The following NT5C2 variants were observed in gnomAD, a reference collection of about 807,000 sequenced individuals.
NT5C2 encodes the protein 5'-nucleotidase, cytosolic II, also known as cytosolic purine 5'-nucleotidase.
Under a neutral mutation model 76.1 loss-of-function variants are expected in NT5C2, and 58 were observed. The ratio of observed to expected loss-of-function variants is 0.76; its 90% CI spans 0.62 to 0.95. The LOEUF (loss-of-function observed/expected upper bound fraction) is 0.95. NT5C2 is among the 40% of genes least tolerant of loss of function. NT5C2 has a pLI of 0.00. For synonymous variants in NT5C2, 229 were observed against 237.4 expected (o/e 0.96, Z 0.32); for missense variants, 478 against 690.3 (o/e 0.69, Z 3.45).
chr10:103,160,113 G>C (rs956243561), intron 3 of NT5C2, among the ~76,000 whole-genome samples: 1 of 152,150 alleles, frequency 6.6e-6, no homozygotes, highest in African/African-American at 2.4e-5. Flanking sequence ...AATGATACTT[G>C]ACATGGGTGC....
chr10:103,106,628 T>C lies in NT5C2; in HGVS notation c.254A>G (p.Glu85Gly). The C allele has an allele frequency of 6.2e-7, 1 of 1,613,676 alleles. No individual in the cohort carries two copies. Among genetic ancestry groups the C allele is most frequent in the Non-Finnish European group, 8.5e-7 (1 of 1,179,628 alleles). ...ERLVSIGYPQ[E>G]LLSFAYDSTF... ...AGAATCATAAGCAAAGCTGAGCAAC[T>C]CCTGGGGATAGCCAATAGAAACTAA... The change falls in exon 5 of 19, where the codon GAG becomes GGG. Residue 85 changes from glutamate (E) to glycine (G), a missense_variant. Physicochemically the swap from Glu to Gly is moderately conservative, Grantham distance 98. Transcript: ENST00000404739.
At chr10:103,121,574 T>C (rs1213196734) in intron 4 of NT5C2, among the ~76,000 whole-genome samples, 1 of 152,204 alleles carries the variant, frequency 6.6e-6, no homozygotes, top group Non-Finnish European at 1.5e-5. Context: ...TCTACTATGT[T>C]CGAGAGGACA....
At chr10:103,176,995 CTTT>C (rs964449640) in intron 2 of NT5C2, among the ~76,000 whole-genome samples, 1 of 145,954 alleles carries the variant, frequency 6.9e-6, no homozygotes, top group African/African-American at 2.5e-5. Flanking sequence ...CAGATTTGTA[CTTT>C]TTTTTTTTAA....
chr10:103,096,170 G>GA (rs1192892165), intron 11 of NT5C2, among the ~76,000 whole-genome samples, 190 bp from the exon 12 acceptor site: 2 of 151,860 alleles, frequency 1.3e-5, no homozygotes, highest in African/African-American at 4.8e-5. Flanking sequence ...ATACCAAAAA[G>GA]AAAAAAAGGC....
chr10:103,188,141 G>A (rs963236856), intron 1 of NT5C2, among the ~76,000 whole-genome samples: 12 of 152,200 alleles, frequency 7.9e-5, no homozygotes, highest in African/African-American at 2.9e-4. Context: ...TGGATCACGA[G>A]GTCAGGAGTT....
chr10:103,095,819 G>A, intron 12 of NT5C2, 120 bp downstream of exon 12: 2 of 804,028 alleles, frequency 2.5e-6, no homozygotes, highest in Non-Finnish European at 4.2e-6. Context: ...TAGACAATAG[G>A]CTTAAAAAGT....
intron 4 of NT5C2, among the ~76,000 whole-genome samples, chr10:103,114,931 G>A (rs532073034): frequency 6.6e-6 from 1 of 152,286 alleles, no homozygotes; most frequent in East Asian, 1.9e-4. Flanking sequence ...TTATTCATAA[G>A]GTTTAACCTA....
At chr10:103,127,071 G>A (rs1396471183) in intron 4 of NT5C2, among the ~76,000 whole-genome samples, 1 of 152,126 alleles carries the variant, frequency 6.6e-6, no homozygotes, top group Non-Finnish European at 1.5e-5. Flanking sequence ...CAGCCAGTGG[G>A]GAGAGTTGAG....
intron 1 of NT5C2, among the ~76,000 whole-genome samples, chr10:103,182,157 T>G (rs756039044): frequency 2.6e-5 from 4 of 152,204 alleles, no homozygotes; most frequent in African/African-American, 9.6e-5. Context: ...AGGTCAGTAA[T>G]TCATTTGGAA....
Position 103,090,771 on chromosome 10 carries a change from A to G in NT5C2, c.1289T>C (p.Met430Thr), listed in dbSNP as rs1433755096. Residue 430 changes from methionine to threonine, a missense_variant, in exon 18 of 19, where the codon ATG (methionine) becomes ACG (threonine). By Grantham distance (81) the Met-to-Thr change is moderately conservative. Transcript: ENST00000404739. ...TCCCATCATCCCATAGCACATGTCC[A>G]TGTCATGAGTTACTTTCTAAAACAA... ...QRRIKKVTHD[M>T]DMCYGMMGSL... The G allele has an allele frequency of 1.2e-6, 2 of 1,613,994 alleles. No individual in the cohort carries two copies. The highest frequency in any genetic ancestry group is 1.7e-6 in the Non-Finnish European group (2 of 1,179,972).
intron 4 of NT5C2, chr10:103,125,198 C>G (rs1006021234): frequency 2.8e-6 from 2 of 704,340 alleles, no homozygotes; most frequent in Non-Finnish European, 5.0e-6. Flanking sequence ...CCCTCCACAC[C>G]TGTTTAGCCT....
chr10:103,098,121 G>T (rs977852100), intron 10 of NT5C2: 2 of 513,466 alleles, frequency 3.9e-6, no homozygotes, highest in Non-Finnish European at 7.8e-6. Flanking sequence ...GTCATCTTGG[G>T]GCACTATGTG....
At chr10:103,160,543 C>G (rs1441680218) in intron 3 of NT5C2, among the ~76,000 whole-genome samples, 1 of 152,092 alleles carries the variant, frequency 6.6e-6, no homozygotes, top group Non-Finnish European at 1.5e-5. Context: ...AGAACTTTTA[C>G]AACTCCACAA....
chr10:103,148,182 C>G (rs1591474853), intron 3 of NT5C2, among the ~76,000 whole-genome samples: 1 of 152,134 alleles, frequency 6.6e-6, no homozygotes, highest in African/African-American at 2.4e-5. Flanking sequence ...ATTCTAAAAG[C>G]AACAGACATC....
chr10:103,098,809 C>T, intron 10 of NT5C2, 122 bp downstream of exon 10: 2 of 713,352 alleles, frequency 2.8e-6, no homozygotes. Context: ...TTATACCCGA[C>T]ACATACTATG....
chr10:103,189,620 A>G (rs2092449004), intron 1 of NT5C2, among the ~76,000 whole-genome samples: 2 of 151,850 alleles, frequency 1.3e-5, no homozygotes, highest in South Asian at 4.1e-4. Flanking sequence ...AAAAAACGAA[A>G]AAAAAAACAA....
intron 11 of NT5C2, 81 bp from the exon 12 acceptor site, chr10:103,096,061 C>T: frequency 9.8e-7 from 1 of 1,022,702 alleles, no homozygotes; most frequent in Non-Finnish European, 1.5e-6. Flanking sequence ...AAGCTTTTCA[C>T]AAAACATGTC....
intron 3 of NT5C2, among the ~76,000 whole-genome samples, chr10:103,170,482 C>T (rs2087643151): frequency 1.3e-5 from 2 of 150,796 alleles, no homozygotes; most frequent in African/African-American, 4.9e-5. Flanking sequence ...GGAGTATACT[C>T]ATTCAGGCTA....
chr10:103,165,455 T>G (rs1206228627), intron 3 of NT5C2, among the ~76,000 whole-genome samples: 1 of 151,134 alleles, frequency 6.6e-6, no homozygotes, highest in Non-Finnish European at 1.5e-5. Context: ...ATCACGCCAT[T>G]GCACTCCAGC....
Sources: allele counts gnomAD v4.1 joint callset (sites outside exome capture counted in the v4.1 genomes callset), GRCh38; gene constraint gnomAD v4.1.1; transcripts MANE v1.5; gene names NCBI Gene and HGNC (gene_info 2026-07-23, HGNC 2026-07-21).